The following CD109 variants were observed in gnomAD, a reference collection of about 807,000 sequenced individuals.
CD109 encodes the protein CD109 antigen.
Under a neutral mutation model 165.8 loss-of-function variants are expected in CD109, and 149 were observed. That is an observed-to-expected ratio of 0.90 (90% confidence interval 0.79 to 1.03). The LOEUF (loss-of-function observed/expected upper bound fraction) is 1.03, where lower values mean the gene tolerates loss of function less well. CD109 is among the 50% of genes least tolerant of loss of function. CD109 has a pLI of 0.00. For missense variants in CD109, 1,712 were observed against 1,677.8 expected (o/e 1.02, Z -0.36); for synonymous variants, 585 against 592.1 (o/e 0.99, Z 0.18).
At chr6:73,689,625 ATT>A in the CD109 span, among the ~76,000 whole-genome samples, 2 of 146,898 alleles carry the variant, frequency 1.4e-5, no homozygotes, top group South Asian at 2.2e-4. Context: ...CTGTAGACAC[ATT>A]TTTTTTTTTT....
intron 2 of CD109, among the ~76,000 whole-genome samples, chr6:73,705,930 T>G (rs1280217884): frequency 6.6e-6 from 1 of 151,906 alleles, no homozygotes; most frequent in Non-Finnish European, 1.5e-5. Flanking sequence ...AGGAGAGAGG[T>G]GGACGGTCTC....
In CD109 at chr6:73,825,149, A is replaced by G. The variant is rs1283114853; in HGVS notation, c.*1516A>G. On this transcript the variant is annotated 3_prime_UTR_variant, in exon 33 of 33. Transcript: ENST00000287097. ...GGATGCTCATATATTGCTTATGGAT[A>G]TTTTGGATACCAAAGTAGGAATAAC... The G allele has an allele frequency of 6.6e-6, 1 of 152,256 alleles. No individual in the cohort carries two copies. Among genetic ancestry groups the G allele is most frequent in the Non-Finnish European group, 1.5e-5 (1 of 68,040 alleles). 9.4% of individuals were successfully genotyped at this position (152,256 alleles called of 1,614,324 possible).
chr6:73,688,875 C>T, the CD109 span, among the ~76,000 whole-genome samples: 1 of 139,602 alleles, frequency 7.2e-6, no homozygotes, highest in Admixed American at 7.8e-5. Flanking sequence ...CTCAAGTGAT[C>T]TTCCTACCTC....
In CD109 at chr6:73,820,382, A is replaced by G. The variant is rs567682482; in HGVS notation, c.4060-79A>G. On this transcript the variant is annotated intron_variant, in intron 31 of 32. Coordinates refer to ENST00000287097, the MANE Select transcript of CD109 (RefSeq NM_133493.5). The stretch of plus-strand genomic sequence containing the variant: ...GTGTTAGTCTCTGTTTCCTAAAATG[A>G]TGAGAAAAAAGAAATGTCTTTACTT... 2.1e-4 allele frequency: 153 copies of G among 716,182 alleles called. 3 individuals carry two copies. In the South Asian group the frequency reaches 3.0e-3, roughly 14 times the overall value. The allele number at this position is 716,182 out of a possible 1,614,324, so 44.4% of individuals were successfully genotyped here.
intron 5 of CD109, among the ~76,000 whole-genome samples, chr6:73,745,477 G>A (rs1320951469): frequency 6.6e-6 from 1 of 152,114 alleles, no homozygotes; most frequent in Non-Finnish European, 1.5e-5. Flanking sequence ...TGTATGCATT[G>A]GTGGAGAAGA....
chr6:73,728,273 G>A (rs1772213613), intron 3 of CD109, among the ~76,000 whole-genome samples: 1 of 152,158 alleles, frequency 6.6e-6, no homozygotes, highest in South Asian at 2.1e-4. Flanking sequence ...TTGGGCCACT[G>A]CACTCCAGCC....
chr6:73,817,916 A>C (rs1458914454), intron 30 of CD109, among the ~76,000 whole-genome samples: 2 of 152,234 alleles, frequency 1.3e-5, no homozygotes, highest in African/African-American at 4.8e-5. Flanking sequence ...AAATCAGACG[A>C]ATAAAAGGTT....
chr6:73,754,634 A>G (rs1773315414), intron 5 of CD109, among the ~76,000 whole-genome samples: 1 of 152,232 alleles, frequency 6.6e-6, no homozygotes, highest in African/African-American at 2.4e-5. Context: ...GTAAAAGCTA[A>G]TAATTTTTAT....
At chr6:73,729,478 T>A (rs568445008) in intron 3 of CD109, among the ~76,000 whole-genome samples, 62 of 144,496 alleles carry the variant, frequency 4.3e-4, no homozygotes, top group Admixed American at 3.0e-3. Context: ...TGCTAGAAGG[T>A]AGGACTTCTA....
At chr6:73,690,534 T>C in the CD109 span, among the ~76,000 whole-genome samples, 2 of 152,270 alleles carry the variant, frequency 1.3e-5, no homozygotes, top group Admixed American at 1.3e-4. Context: ...CCTGAGTAGC[T>C]GGGATTACAG....
At chr6:73,797,989 G>A (rs528253707) in intron 23 of CD109, among the ~76,000 whole-genome samples, 1 of 152,260 alleles carries the variant, frequency 6.6e-6, no homozygotes, top group South Asian at 2.1e-4. Context: ...AACTTTTGGA[G>A]AGAGCTATGT....
chr6:73,808,360 AG>A, intron 26 of CD109, 112 bp downstream of exon 26: 1 of 1,040,728 alleles, frequency 9.6e-7, no homozygotes, highest in Non-Finnish European at 1.4e-6. Flanking sequence ...TTTGGTGAAA[AG>A]TAAAACACAT....
intron 32 of CD109, among the ~76,000 whole-genome samples, chr6:73,821,493 T>C (rs1776106211): frequency 6.6e-6 from 1 of 152,150 alleles, no homozygotes; most frequent in Admixed American, 6.5e-5. Context: ...AACTGTGAAT[T>C]GGATAAATAA....
At chr6:73,823,354 A>T in intron 32 of CD109, 104 bp from the exon 33 acceptor site, 1 of 851,076 alleles carries the variant, frequency 1.2e-6, no homozygotes, top group Non-Finnish European at 1.8e-6. Context: ...TTAGGTTAAG[A>T]ATGGAAAACT....
rs570103248 is a variant in CD109, at chr6:73,739,346, C to G, written c.633+2838C>G. 8.5e-5 allele frequency among the ~76,000 whole-genome samples: 13 copies of G among 152,280 alleles called. No individual in the cohort carries two copies. In the South Asian group the frequency reaches 2.5e-3, roughly 29 times the overall value. Reference sequence around the variant, plus strand: ...TATGAGAAGCAACTGTGGCCTTGGTCTCTGGCTTTTGTTTTTCTTTGACTA... The same window carrying G: ...TATGAGAAGCAACTGTGGCCTTGGTGTCTGGCTTTTGTTTTTCTTTGACTA... On this transcript the variant is annotated intron_variant, in intron 5 of 32. Coordinates refer to ENST00000287097, the MANE Select transcript of CD109 (RefSeq NM_133493.5).
Position 73,768,031 on chromosome 6 carries a change from A to T in CD109, c.1498-24A>T, listed in dbSNP as rs775926094. 6 of 1,593,678 alleles carry T rather than the reference A, an allele frequency of 3.8e-6. No individual in the cohort carries two copies. In the African/African-American group the frequency reaches 8.1e-5, roughly 21 times the overall value. On this transcript the variant is annotated intron_variant, in intron 13 of 32. Coordinates refer to ENST00000287097, the MANE Select transcript of CD109 (RefSeq NM_133493.5). Reference sequence around the variant, plus strand: ...ATCCTACTAGGTTTGGCAATAAATTAAACCCATCTACTGTTCTTTTCAGGT... The same window carrying T: ...ATCCTACTAGGTTTGGCAATAAATTTAACCCATCTACTGTTCTTTTCAGGT...
chr6:73,751,783 T>C (rs1282568392), intron 5 of CD109, among the ~76,000 whole-genome samples: 2 of 152,124 alleles, frequency 1.3e-5, no homozygotes, highest in Non-Finnish European at 2.9e-5. Flanking sequence ...CAGGGTGGGG[T>C]GAGTGCCACT....
intron 2 of CD109, among the ~76,000 whole-genome samples, chr6:73,712,102 G>T (rs1366305744): frequency 6.6e-6 from 1 of 152,152 alleles, no homozygotes; most frequent in South Asian, 2.1e-4. Flanking sequence ...CCCAGCTACT[G>T]GGGGGCTGAG....
chr6:73,753,234 A>G (rs1773261681), intron 5 of CD109, among the ~76,000 whole-genome samples: 1 of 152,184 alleles, frequency 6.6e-6, no homozygotes, highest in Admixed American at 6.5e-5. Flanking sequence ...TAAAATATTT[A>G]CTATCCCACT....
Sources: gnomAD v4.1 joint callset for allele counts (sites outside exome capture counted in the v4.1 genomes callset) on GRCh38, gnomAD v4.1.1 for gene constraint, MANE v1.5 for transcripts, NCBI Gene and HGNC (gene_info 2026-07-23, HGNC 2026-07-21) for gene names.